Variants in MPP4 observed in about 807,000 individuals in gnomAD.
The protein encoded by MPP4 is MAGUK p55 scaffold protein 4, also known as MAGUK p55 subfamily member 4.
Under a neutral mutation model 98.3 loss-of-function variants are expected in MPP4, and 91 were observed. That is an observed-to-expected ratio of 0.93 (90% CI 0.78 to 1.10). MPP4 has a LOEUF of 1.10. MPP4 is among the 50% of genes least tolerant of loss of function. The pLI is 0.00. For missense variants in MPP4, 744 were observed against 792.9 expected, an observed-to-expected ratio of 0.94 and a Z score of 0.74; for synonymous variants, 261 against 271.8, an observed-to-expected ratio of 0.96 and a Z score of 0.39.
intron 7 of MPP4, 74 bp from the exon 8 acceptor site, chr2:201,682,990 G>T: frequency 9.0e-7 from 1 of 1,110,440 alleles, no homozygotes; most frequent in Non-Finnish European, 1.4e-6. Flanking sequence ...TACCTCGATA[G>T]CTATTTAACT....
chr2:201,697,652 G>A (rs139852653), intron 1 of MPP4, among the ~76,000 whole-genome samples: 1 of 152,198 alleles, frequency 6.6e-6, no homozygotes, highest in Non-Finnish European at 1.5e-5. Flanking sequence ...CAATCCTAAT[G>A]GGGGAGGCAG....
chr2:201,697,716 T>G (rs1689231361), intron 1 of MPP4, among the ~76,000 whole-genome samples: 1 of 152,180 alleles, frequency 6.6e-6, no homozygotes, highest in Non-Finnish European at 1.5e-5. Flanking sequence ...CCTGGTATCC[T>G]GACTTAAACC....
At chr2:201,669,664 T>A (rs1274235798) in intron 12 of MPP4, 69 bp downstream of exon 12, 1 of 1,150,982 alleles carries the variant, frequency 8.7e-7, no homozygotes, top group Non-Finnish European at 1.2e-6. Flanking sequence ...TAAAGTGAAT[T>A]CTTTAAACTA....
chr2:201,689,393 T>C (rs1424706926), intron 4 of MPP4, among the ~76,000 whole-genome samples: 1 of 151,468 alleles, frequency 6.6e-6, no homozygotes, highest in Non-Finnish European at 1.5e-5. Context: ...ATTTGAAGGG[T>C]TTGAGTGTTA....
chr2:201,658,463 A>G lies in MPP4; in HGVS notation c.1129+14T>C, dbSNP rs781025703. 1.2e-5 allele frequency: 20 copies of G among 1,608,842 alleles called. No individual in the cohort carries two copies. The highest frequency in any genetic ancestry group is 1.7e-5 in the Non-Finnish European group (20 of 1,177,366). Reference sequence around the variant, plus strand: ...AAGTGACAGAGACCCACCTCTTGTTAATTTATCACCTACCTATAAAGAACT... The same window carrying G: ...AAGTGACAGAGACCCACCTCTTGTTGATTTATCACCTACCTATAAAGAACT... On this transcript the variant is annotated intron_variant, in intron 16 of 21. Coordinates refer to ENST00000409474, the MANE Select transcript of MPP4 (RefSeq NM_033066.3).
chr2:201,675,279 G>A lies in MPP4; in HGVS notation c.930-8C>T. The A allele has an allele frequency of 6.2e-7, 1 of 1,605,444 alleles. No homozygotes were observed. On this transcript the variant is annotated splice_region_variant and splice_polypyrimidine_tract_variant and intron_variant, in intron 10 of 21. Transcript: ENST00000409474. Reference sequence around the variant, plus strand: ...CAGAATTCCCGTTGCTTCCTATGGGGGGGAAAAAACCATGCGACAAAAAAC... The same window carrying A: ...CAGAATTCCCGTTGCTTCCTATGGGAGGGAAAAAACCATGCGACAAAAAAC...
intron 10 of MPP4, among the ~76,000 whole-genome samples, chr2:201,679,516 G>A (rs1688610403): frequency 6.6e-6 from 1 of 152,106 alleles, no homozygotes; most frequent in Middle Eastern, 3.2e-3. Flanking sequence ...CCTGCCATAT[G>A]CTCCACCCTC....
intron 10 of MPP4, among the ~76,000 whole-genome samples, chr2:201,676,638 G>A (rs1187921377): frequency 6.6e-6 from 1 of 152,186 alleles, no homozygotes; most frequent in East Asian, 1.9e-4. Flanking sequence ...GGTGGCTCAC[G>A]CCTGTAATCC....
intron 14 of MPP4, among the ~76,000 whole-genome samples, chr2:201,663,748 G>A (rs370548326): frequency 6.6e-6 from 1 of 152,210 alleles, no homozygotes; most frequent in African/African-American, 2.4e-5. Flanking sequence ...CAGGTGTAAT[G>A]GCATATGCCT....
At position 201,695,737 on chromosome 2, in the gene MPP4, C is replaced by T. The variant is rs116039301; in HGVS notation, c.-100-1683G>A. ...TAGAGCCAACAGGTTAAGAGCTCTT[C>T]CCAGAGAGCATTATTTCTGACTCTT... is the stretch of plus-strand genomic sequence containing the variant. On this transcript the variant is annotated intron_variant, in intron 1 of 21. Coordinates refer to ENST00000409474, the MANE Select transcript of MPP4 (RefSeq NM_033066.3). 7.9e-3 allele frequency among the ~76,000 whole-genome samples: 1,199 copies of T among 152,208 alleles called. 15 individuals carry two copies. Among genetic ancestry groups the T allele is most frequent in the African/African-American group, 0.028 (1,146 of 41,502 alleles).
At chr2:201,673,577 GA>G (rs11375204) in intron 11 of MPP4, 41 of 187,564 alleles carry the variant, frequency 2.2e-4, no homozygotes, top group South Asian at 7.5e-4. Context: ...AATTAAAAAA[GA>G]AAAAAAAAGA....
At chr2:201,698,180 T>C (rs2105955791) in intron 1 of MPP4, 1 of 683,322 alleles carries the variant, frequency 1.5e-6, no homozygotes, top group Admixed American at 6.2e-5. Flanking sequence ...AACGTACTAT[T>C]AAATGCCACA....
chr2:201,664,364 G>A (rs1421921073), intron 13 of MPP4: 1 of 1,371,576 alleles, frequency 7.3e-7, no homozygotes, highest in South Asian at 1.2e-5. Flanking sequence ...AATAGAAGGT[G>A]AATAAAATAA....
At chr2:201,655,334 C>A (rs2105914999) in intron 17 of MPP4, among the ~76,000 whole-genome samples, 1 of 152,292 alleles carries the variant, frequency 6.6e-6, no homozygotes, top group South Asian at 2.1e-4. Flanking sequence ...GGGGCACATT[C>A]CTGACAGATG....
intron 18 of MPP4, among the ~76,000 whole-genome samples, chr2:201,653,921 T>C (rs759903259): frequency 1.8e-4 from 28 of 151,970 alleles, no homozygotes; most frequent in Non-Finnish European, 3.5e-4. Flanking sequence ...GAGCTGGTAG[T>C]AGTAAAGGGG....
chr2:201,647,663 A>G (rs1687601041), intron 21 of MPP4, 28 bp downstream of exon 21: 1 of 1,606,290 alleles, frequency 6.2e-7, no homozygotes, highest in Non-Finnish European at 8.5e-7. Flanking sequence ...CACTGAAAGC[A>G]ATACAGTAGT....
At chr2:201,673,851 T>A (rs1286643838) in intron 11 of MPP4, among the ~76,000 whole-genome samples, 1 of 152,208 alleles carries the variant, frequency 6.6e-6, no homozygotes, top group Non-Finnish European at 1.5e-5. Flanking sequence ...ACTTTTTGTG[T>A]CCTTCCAGTC....
chr2:201,670,450 C>T (rs1688310736), intron 11 of MPP4, among the ~76,000 whole-genome samples: 1 of 152,118 alleles, frequency 6.6e-6, no homozygotes, highest in African/African-American at 2.4e-5. Flanking sequence ...AAGTCAGTGG[C>T]TCCAAACCTG....
chr2:201,669,646 A>T (rs1559010237), intron 12 of MPP4, 87 bp downstream of exon 12: 2 of 893,688 alleles, frequency 2.2e-6, no homozygotes, highest in Non-Finnish European at 1.6e-6. Context: ...TAAATAGCTG[A>T]ACTGAATTAA....
Sources: allele counts gnomAD v4.1 joint callset (sites outside exome capture counted in the v4.1 genomes callset), GRCh38; gene constraint gnomAD v4.1.1; transcripts MANE v1.5; gene names NCBI Gene and HGNC (gene_info 2026-07-23, HGNC 2026-07-21).